KIF27: variants seen among roughly 807,000 people sequenced by gnomAD.
KIF27 encodes the protein kinesin-like protein KIF27.
A neutral mutation model predicts 141.8 loss-of-function variants in KIF27; 84 were observed. That is an observed-to-expected ratio of 0.59 (90% confidence interval 0.50 to 0.71). The LOEUF is 0.71. Ranked by LOEUF, KIF27 falls within the 30% of genes least tolerant of loss-of-function variation. KIF27 has a pLI of 0.00. For synonymous variants in KIF27, 471 were observed against 569.5 expected, an observed-to-expected ratio of 0.83 and a Z score of 2.46; for missense variants, 1,306 against 1,628.4, an observed-to-expected ratio of 0.80 and a Z score of 3.41.
At chr9:83,881,931 C>T (rs2780164) in intron 10 of KIF27, among the ~76,000 whole-genome samples, 10 of 152,286 alleles carry the variant, frequency 6.6e-5, no homozygotes, top group African/African-American at 2.4e-4. Context: ...ACTATTAATG[C>T]AGCATGTAAC....
At chr9:83,889,059 T>C (rs757119476) in intron 7 of KIF27, 25 bp downstream of exon 7, 3 of 1,587,746 alleles carry the variant, frequency 1.9e-6, no homozygotes, top group East Asian at 2.2e-5. Flanking sequence ...TAAATATTTA[T>C]TAAATCAGTG....
chr9:83,921,083 C>T (rs1956225849), intron 1 of KIF27, among the ~76,000 whole-genome samples: 2 of 152,328 alleles, frequency 1.3e-5, no homozygotes, highest in South Asian at 4.1e-4. Context: ...ACCCGCTCCT[C>T]AGGGCTGACC....
intron 13 of KIF27, among the ~76,000 whole-genome samples, chr9:83,867,004 G>A (rs567069411): frequency 5.2e-4 from 52 of 100,750 alleles, no homozygotes; most frequent in Non-Finnish European, 7.0e-4. Flanking sequence ...TATTTCCCCC[G>A]CAATCCCCCA....
chr9:83,908,371 G>A, intron 3 of KIF27, 81 bp downstream of exon 3: 1 of 718,836 alleles, frequency 1.4e-6, no homozygotes, highest in East Asian at 2.8e-5. Context: ...AGATTCCTTG[G>A]AATATATCCA....
At chr9:83,892,378 A>G (rs1952768409) in intron 5 of KIF27, among the ~76,000 whole-genome samples, 1 of 152,126 alleles carries the variant, frequency 6.6e-6, no homozygotes, top group Non-Finnish European at 1.5e-5. Flanking sequence ...GGAAAAGGAT[A>G]AAAGTACCAA....
intron 4 of KIF27, among the ~76,000 whole-genome samples, chr9:83,902,199 T>C (rs1257993219): frequency 3.3e-5 from 5 of 152,166 alleles, no homozygotes; most frequent in African/African-American, 1.2e-4. Flanking sequence ...GAAATAAGCT[T>C]AGAGCTTAAA....
At position 83,835,343 on chromosome 9, in the gene KIF27, T is replaced by C; in HGVS notation, c.*1658A>G. 6.6e-6 allele frequency among the ~76,000 whole-genome samples: 1 copy of C among 151,898 alleles called. No homozygotes were observed. The highest frequency in any genetic ancestry group is 2.4e-5 in the African/African-American group (1 of 41,404). On this transcript the variant is annotated 3_prime_UTR_variant, in exon 18 of 18. Transcript: ENST00000297814. ...AAACCAGAATCTGACTTCAAACAGTTCCTGGTAAAAATAAAATTTCCCAGT... is the reference window on the plus strand; with the variant it reads ...AAACCAGAATCTGACTTCAAACAGTCCCTGGTAAAAATAAAATTTCCCAGT...
intron 13 of KIF27, among the ~76,000 whole-genome samples, chr9:83,866,467 G>A (rs1171338330): frequency 6.6e-6 from 1 of 151,530 alleles, no homozygotes. Context: ...TTCTTTTTTT[G>A]TAATCTTTTG....
At chr9:83,908,739 A>G in intron 2 of KIF27, 87 bp from the exon 3 acceptor site, 1 of 771,380 alleles carries the variant, frequency 1.3e-6, no homozygotes, top group Non-Finnish European at 2.0e-6. Context: ...TTATTTTACT[A>G]CATTTCTATA....
chr9:83,880,229 T>C, intron 11 of KIF27, 68 bp downstream of exon 11: 1 of 1,603,004 alleles, frequency 6.2e-7, no homozygotes, highest in Middle Eastern at 1.7e-4. Flanking sequence ...ATGAAGACCA[T>C]GGATTCGTTA....
intron 5 of KIF27, among the ~76,000 whole-genome samples, chr9:83,893,164 G>A (rs1435050616): frequency 6.6e-6 from 1 of 152,160 alleles, no homozygotes; most frequent in Non-Finnish European, 1.5e-5. Context: ...TTGAGCCCAG[G>A]AGGTCGAGGC....
At chr9:83,851,700 G>A (rs1948607231) in intron 15 of KIF27, among the ~76,000 whole-genome samples, 2 of 151,986 alleles carry the variant, frequency 1.3e-5, no homozygotes, top group African/African-American at 4.8e-5. Flanking sequence ...CTGATGTGAA[G>A]TAAAAATACT....
At chr9:83,848,342 T>TAC (rs1948046676) in intron 16 of KIF27, among the ~76,000 whole-genome samples, 1 of 132,038 alleles carries the variant, frequency 7.6e-6, no homozygotes, top group Non-Finnish European at 1.5e-5. Context: ...TATATATATC[T>TAC]ATGTATCTAT....
intron 1 of KIF27, among the ~76,000 whole-genome samples, chr9:83,919,932 TA>T (rs925995570): frequency 1.3e-5 from 2 of 149,916 alleles, no homozygotes; most frequent in East Asian, 3.9e-4. Context: ...TTCTAAGCAT[TA>T]AAAAAAATAA....
intron 2 of KIF27, among the ~76,000 whole-genome samples, chr9:83,914,908 A>G (rs1281481011): frequency 1.3e-5 from 2 of 152,250 alleles, no homozygotes; most frequent in Non-Finnish European, 2.9e-5. Context: ...TACTTTACAT[A>G]ATAAATTTTT....
At position 83,837,329 on chromosome 9, in the gene KIF27, T is replaced by C. The variant is rs1945991069; in HGVS notation, c.3878A>G (p.Gln1293Arg). 6.2e-7 allele frequency: 1 copy of C among 1,607,926 alleles called. No individual in the cohort carries two copies. Among genetic ancestry groups the C allele is most frequent in the East Asian group, 2.2e-5 (1 of 44,806 alleles). Residue 1293 changes from glutamine (Q) to arginine (R), a missense_variant, in exon 18 of 18, where the codon CAA becomes CGA. Coordinates refer to ENST00000297814, the MANE Select transcript of KIF27 (RefSeq NM_017576.4). ...TTCTGGGATATCTTCCCAGAGCTTT[T>C]GAGGATTTGGCTGTGTTCTTAAGCT... ...ASSLRTQPNP[Q>R]KLWEDIPELP...
rs1277136800 is a variant in KIF27, at chr9:83,903,999, T to C, written c.519A>G (p.Glu173=). 1.2e-6 allele frequency: 2 copies of C among 1,603,458 alleles called. No homozygotes were observed. The highest frequency in any genetic ancestry group is 1.3e-5 in the African/African-American group (1 of 74,468). ...CTTCACCTGCACTCTCCACATGGCA[T>C]TCCTTGGCCCCAACAATCACTTAAA... ...KGNTVIVGAK[E]CHVESAGEVM... The change falls in exon 4 of 18, where the codon GAA becomes GAG. Residue 173 remains glutamate, a synonymous_variant. Coordinates refer to ENST00000297814, the MANE Select transcript of KIF27 (RefSeq NM_017576.4).
At chr9:83,847,488 T>C (rs1947441845) in intron 16 of KIF27, 1 of 152,200 alleles carries the variant, frequency 6.6e-6, no homozygotes, top group Non-Finnish European at 1.5e-5. Context: ...TATAACCTTA[T>C]TATTGTCTTT....
rs538389930 is a variant in KIF27 at position 83,861,488 on chromosome 9, G to A, written c.2935-2117C>T. Among the ~76,000 whole-genome samples the A allele has an allele frequency of 1.1e-3, 168 of 152,246 alleles. 1 individual carries two copies. Among genetic ancestry groups the A allele is most frequent in the Non-Finnish European group, 1.9e-3 (129 of 68,028 alleles). On this transcript the variant is annotated intron_variant, in intron 13 of 17. Coordinates refer to ENST00000297814, the MANE Select transcript of KIF27 (RefSeq NM_017576.4). ...AATGATGGTTTCCAGCTTCATCCAT[G>A]TCCCTACAAACCACATGAACTCATC...
Sources: gnomAD v4.1 joint callset for allele counts (sites outside exome capture counted in the v4.1 genomes callset) on GRCh38, gnomAD v4.1.1 for gene constraint, MANE v1.5 for transcripts, NCBI Gene and HGNC (gene_info 2026-07-23, HGNC 2026-07-21) for gene names.